PRR16: variants seen among roughly 807,000 people sequenced by gnomAD.
PRR16 encodes the protein protein Largen.
Under a neutral mutation model 18.2 loss-of-function variants are expected in PRR16, and 6 were observed. That is an observed-to-expected ratio of 0.33 (90% confidence interval 0.18 to 0.65). PRR16 has a LOEUF of 0.65. Among genes scored for constraint, PRR16 ranks in the 30% least tolerant of loss-of-function variants. The probability of loss-of-function intolerance (pLI) is 0.74; values close to 1 mark genes in which losing one functional copy is unlikely to be tolerated. For missense variants in PRR16, 412 were observed against 376.6 expected (o/e 1.09, Z -0.78); for synonymous variants, 151 against 147.8 (o/e 1.02, Z -0.16).
At chr5:120,529,855 TA>T (rs1292445018) in intron 1 of PRR16, among the ~76,000 whole-genome samples, 1 of 152,086 alleles carries the variant, frequency 6.6e-6, no homozygotes, top group Non-Finnish European at 1.5e-5. Flanking sequence ...CAAGAGCATG[TA>T]AGTAAAGTCA....
chr5:120,698,234 G>A, the PRR16 span, among the ~76,000 whole-genome samples: 1 of 151,946 alleles, frequency 6.6e-6, no homozygotes, highest in East Asian at 1.9e-4. Flanking sequence ...GGTAAGGGGT[G>A]ATACTGTGGG....
At chr5:120,709,380 C>A in the PRR16 span, among the ~76,000 whole-genome samples, 2 of 151,924 alleles carry the variant, frequency 1.3e-5, no homozygotes, top group African/African-American at 4.8e-5. Flanking sequence ...ATTAGTTGTT[C>A]ATATTTATGG....
chr5:120,704,073 CAG>C, the PRR16 span, among the ~76,000 whole-genome samples: 1 of 152,128 alleles, frequency 6.6e-6, no homozygotes, highest in Admixed American at 6.5e-5. Context: ...AATTCAAACA[CAG>C]AAGTTAACAT....
chr5:120,674,603 T>C (rs1178880199), intron 1 of PRR16, among the ~76,000 whole-genome samples: 1 of 152,194 alleles, frequency 6.6e-6, no homozygotes, highest in Non-Finnish European at 1.5e-5. Context: ...TGACTTTTCT[T>C]TATTTTTCAT....
At chr5:120,706,292 T>G in the PRR16 span, among the ~76,000 whole-genome samples, 3 of 152,266 alleles carry the variant, frequency 2.0e-5, no homozygotes, top group Non-Finnish European at 4.4e-5. Context: ...TAATGACATG[T>G]AGATATTCTT....
intron 1 of PRR16, among the ~76,000 whole-genome samples, chr5:120,491,469 CT>C (rs879696815): frequency 1.4e-4 from 8 of 57,770 alleles, no homozygotes; most frequent in Admixed American, 8.3e-4. Context: ...CTTTCCTTTC[CT>C]TTCCTTTCCT....
intron 1 of PRR16, among the ~76,000 whole-genome samples, chr5:120,491,847 A>C (rs1232858990): frequency 6.6e-6 from 1 of 152,084 alleles, no homozygotes; most frequent in Non-Finnish European, 1.5e-5. Context: ...CCCAGCTGAC[A>C]TACACTTTTT....
chr5:120,503,728 T>C, intron 1 of PRR16, among the ~76,000 whole-genome samples: 1 of 151,502 alleles, frequency 6.6e-6, no homozygotes, highest in Non-Finnish European at 1.5e-5. Context: ...CATGCTGGTG[T>C]GCTGCACCCA....
At chr5:120,637,377 C>T (rs1479469283) in intron 1 of PRR16, among the ~76,000 whole-genome samples, 1 of 136,268 alleles carries the variant, frequency 7.3e-6, no homozygotes, top group East Asian at 2.2e-4. Flanking sequence ...GCAAAATTTG[C>T]AGTTTCAAAA....
chr5:120,732,863 TTTAA>T, the PRR16 span, among the ~76,000 whole-genome samples: 1 of 152,102 alleles, frequency 6.6e-6, no homozygotes, highest in Non-Finnish European at 1.5e-5. Context: ...ATAAATGAGT[TTTAA>T]TTAGGGAAAA....
At chr5:120,765,616 A>G in the PRR16 span, among the ~76,000 whole-genome samples, 1 of 151,956 alleles carries the variant, frequency 6.6e-6, no homozygotes, top group Non-Finnish European at 1.5e-5. Flanking sequence ...ATTTTTAAAA[A>G]CCTTTATTGA....
intron 1 of PRR16, among the ~76,000 whole-genome samples, chr5:120,605,240 A>G (rs1354157342): frequency 1.3e-5 from 2 of 152,128 alleles, no homozygotes; most frequent in Non-Finnish European, 2.9e-5. Flanking sequence ...AGGTTTGTTC[A>G]TTTCAAAAAA....
chr5:120,743,180 TTTC>T, the PRR16 span, among the ~76,000 whole-genome samples: 1 of 152,234 alleles, frequency 6.6e-6, no homozygotes, highest in Non-Finnish European at 1.5e-5. Flanking sequence ...CTCTGAATAT[TTTC>T]TTCTAATGTA....
chr5:120,566,239 C>G (rs1211190647), intron 1 of PRR16, among the ~76,000 whole-genome samples: 1 of 152,166 alleles, frequency 6.6e-6, no homozygotes, highest in African/African-American at 2.4e-5. Context: ...ATCCCTTCCT[C>G]AAGGCCCTCA....
At chr5:120,581,492 G>T (rs1753270470) in intron 1 of PRR16, among the ~76,000 whole-genome samples, 1 of 151,792 alleles carries the variant, frequency 6.6e-6, no homozygotes, top group Admixed American at 6.6e-5. Flanking sequence ...TTGATTTTTT[G>T]GAGGTTTTTC....
chr5:120,616,310 G>A (rs989464938), intron 1 of PRR16, among the ~76,000 whole-genome samples: 2 of 152,102 alleles, frequency 1.3e-5, no homozygotes, highest in East Asian at 1.9e-4. Flanking sequence ...ACATTCCGGC[G>A]GCAACAATCT....
chr5:120,743,333 G>C, the PRR16 span, among the ~76,000 whole-genome samples: 2 of 150,932 alleles, frequency 1.3e-5, no homozygotes, highest in Non-Finnish European at 2.9e-5. Context: ...GCTTTTGTTT[G>C]ATTGTTTTTT....
At chr5:120,491,409 G>T (rs1263998936) in intron 1 of PRR16, among the ~76,000 whole-genome samples, 3 of 149,444 alleles carry the variant, frequency 2.0e-5, no homozygotes, top group Admixed American at 6.6e-5. Flanking sequence ...AAGATCTAAA[G>T]GCATATACCC....
At chr5:120,756,168 C>T in the PRR16 span, among the ~76,000 whole-genome samples, 2 of 152,112 alleles carry the variant, frequency 1.3e-5, no homozygotes, top group African/African-American at 2.4e-5. Flanking sequence ...AAGACTTGGC[C>T]TGCAACCAGT....
Sources: gnomAD v4.1 joint callset for allele counts (sites outside exome capture counted in the v4.1 genomes callset) on GRCh38, gnomAD v4.1.1 for gene constraint, MANE v1.5 for transcripts, NCBI Gene and HGNC (gene_info 2026-07-23, HGNC 2026-07-21) for gene names.